Variants in RBP2 observed in about 807,000 individuals in gnomAD.
RBP2 encodes retinol binding protein 2, also known as retinol-binding protein 2.
Under a neutral mutation model 17.0 loss-of-function variants are expected in RBP2, and 17 were observed. The observed-to-expected ratio is 1.00, with a 90% CI of 0.68 to 1.50. The LOEUF (loss-of-function observed/expected upper bound fraction) is 1.50, where lower values mean the gene tolerates loss of function less well. RBP2 is among the 40% of genes most tolerant of loss of function. The pLI, the probability that RBP2 is intolerant of heterozygous loss-of-function variation, is 0.00. For missense variants in RBP2, 158 were observed against 168.2 expected (o/e 0.94, Z 0.33); for synonymous variants, 48 against 57.1 (o/e 0.84, Z 0.72).
At chr3:139,469,683 G>GTCTA (rs1187927537) in intron 1 of RBP2, among the ~76,000 whole-genome samples, 1,858 of 127,454 alleles carry the variant, frequency 0.015, 13 homozygotes, top group African/African-American at 0.028. Context: ...CTGTCTGTCT[G>GTCTA]TCTGTCTATC....
At chr3:139,465,564 C>G (rs1933328998) in intron 1 of RBP2, among the ~76,000 whole-genome samples, 1 of 152,062 alleles carries the variant, frequency 6.6e-6, no homozygotes, top group Non-Finnish European at 1.5e-5. Flanking sequence ...TGCTGTGCTC[C>G]CCAAGCTCTG....
intron 1 of RBP2, among the ~76,000 whole-genome samples, chr3:139,468,977 A>G (rs1280358404): frequency 2.6e-5 from 4 of 152,216 alleles, no homozygotes; most frequent in African/African-American, 9.6e-5. Context: ...TTTGAACAAT[A>G]CAAGCCATAA....
intron 1 of RBP2, among the ~76,000 whole-genome samples, chr3:139,475,144 A>G (rs1358794904): frequency 6.6e-6 from 1 of 151,712 alleles, no homozygotes; most frequent in East Asian, 1.9e-4. Flanking sequence ...ACATAGTGAA[A>G]TCCGTCTCTA....
At chr3:139,454,910 T>A in intron 2 of RBP2, 80 bp from the exon 3 acceptor site, 4 of 1,369,184 alleles carry the variant, frequency 2.9e-6, no homozygotes, top group Non-Finnish European at 4.2e-6. Flanking sequence ...CTGCAATTCC[T>A]GCAGCCATTT....
At chr3:139,454,965 G>T (rs1391340264) in intron 2 of RBP2, 135 bp from the exon 3 acceptor site, 4 of 761,298 alleles carry the variant, frequency 5.3e-6, no homozygotes, top group African/African-American at 5.2e-5. Flanking sequence ...GCCTCAGGGA[G>T]CCAAGATGCT....
rs1284622695 is a variant in RBP2, at chr3:139,462,117, C to G, written c.247G>C (p.Val83Leu). 1 of 1,613,970 alleles carries G rather than the reference C, an allele frequency of 6.2e-7. No homozygotes were observed. Among genetic ancestry groups the G allele is most frequent in the Non-Finnish European group, 8.5e-7 (1 of 1,179,994 alleles). ...EYTKSLDNRH[V>L]KALVTWEGDV... ...ACACCAGCCCCGGTCAGTACCTTAA[C>G]ATGCCGGTTATCCAGGCTCTTTGTG... is the stretch of plus-strand genomic sequence containing the variant. Residue 83 changes from valine to leucine, a missense_variant, in exon 2 of 4, where the codon GTT becomes CTT. By Grantham distance (32) the Val-to-Leu change is conservative (BLOSUM62 1). Coordinates refer to ENST00000232217, the MANE Select transcript of RBP2 (RefSeq NM_004164.3).
chr3:139,476,426 C>A lies in RBP2; in HGVS notation c.34G>T (p.Glu12Ter). ...TRDQNGTWEMESNENFEGYMK... is the reference protein window; with the variant it reads ...TRDQNGTWEM Reference sequence around the variant, plus strand: ...TAGCCCTCAAAGTTTTCATTACTCTCCATCTCCCAGGTTCCATTCTGGTCC... The same window carrying A: ...TAGCCCTCAAAGTTTTCATTACTCTACATCTCCCAGGTTCCATTCTGGTCC... The change falls in exon 1 of 4, where the codon GAG becomes TAG. Residue 12 changes from glutamate (E) to a stop codon, truncating the protein, a stop_gained. Coordinates refer to ENST00000232217, the MANE Select transcript of RBP2 (RefSeq NM_004164.3). LOFTEE classifies it high-confidence loss of function. 2 of 1,614,012 alleles carry A rather than the reference C, an allele frequency of 1.2e-6. No individual in the cohort carries two copies. Among genetic ancestry groups the A allele is most frequent in the Non-Finnish European group, 1.7e-6 (2 of 1,179,982 alleles).
At chr3:139,471,609 A>G (rs776829325) in intron 1 of RBP2, among the ~76,000 whole-genome samples, 1 of 152,222 alleles carries the variant, frequency 6.6e-6, no homozygotes, top group Admixed American at 6.5e-5. Flanking sequence ...TGGAATGAAA[A>G]TTTCCTAAAA....
At chr3:139,475,324 T>TAAAAAAAAAA (rs397941333) in intron 1 of RBP2, among the ~76,000 whole-genome samples, 2 of 71,598 alleles carry the variant, frequency 2.8e-5, no homozygotes, top group African/African-American at 4.9e-5. Flanking sequence ...GTCCCCAAAA[T>TAAAAAAAAAA]AAAAAAAAAA....
At chr3:139,455,445 C>A (rs188620471) in intron 2 of RBP2, among the ~76,000 whole-genome samples, 1 of 152,064 alleles carries the variant, frequency 6.6e-6, no homozygotes, top group Non-Finnish European at 1.5e-5. Flanking sequence ...GGTCAAAGAT[C>A]AAAGAGTTTG....
chr3:139,464,910 G>A (rs1933307879), intron 1 of RBP2, among the ~76,000 whole-genome samples: 1 of 152,204 alleles, frequency 6.6e-6, no homozygotes, highest in African/African-American at 2.4e-5. Flanking sequence ...GTAGAGCTCA[G>A]TGATTTCAGA....
intron 1 of RBP2, among the ~76,000 whole-genome samples, chr3:139,464,983 A>C (rs1933309582): frequency 6.6e-6 from 1 of 152,224 alleles, no homozygotes; most frequent in Non-Finnish European, 1.5e-5. Flanking sequence ...AAATTTTGAA[A>C]GCTACTTACT....
chr3:139,471,983 T>C (rs1933584077), intron 1 of RBP2, among the ~76,000 whole-genome samples: 1 of 152,228 alleles, frequency 6.6e-6, no homozygotes. Flanking sequence ...AAGATCCTGT[T>C]GCTTTTCCAG....
At chr3:139,474,311 G>A (rs1933657977) in intron 1 of RBP2, among the ~76,000 whole-genome samples, 1 of 152,168 alleles carries the variant, frequency 6.6e-6, no homozygotes, top group Non-Finnish European at 1.5e-5. Flanking sequence ...AGCTGATGGT[G>A]TAGTGTACTC....
chr3:139,476,016 T>C (rs1221169360), intron 1 of RBP2, among the ~76,000 whole-genome samples: 2 of 152,164 alleles, frequency 1.3e-5, no homozygotes, highest in Admixed American at 1.3e-4. Context: ...TGGTGGATAA[T>C]ATCAGGTCCA....
chr3:139,463,996 T>C (rs1172838858), intron 1 of RBP2, among the ~76,000 whole-genome samples: 2 of 152,204 alleles, frequency 1.3e-5, no homozygotes, highest in African/African-American at 4.8e-5. Context: ...TGTTGTGCAG[T>C]GTCCGGTACA....
At chr3:139,454,937 C>T (rs150972791) in intron 2 of RBP2, 107 bp from the exon 3 acceptor site, 65 of 1,106,398 alleles carry the variant, frequency 5.9e-5, no homozygotes, top group Non-Finnish European at 8.5e-5. Context: ...CTTGCTTACT[C>T]GAAGGGCAGA....
At position 139,453,067 on chromosome 3, in the gene RBP2, C is replaced by T. The variant is rs956879035; in HGVS notation, c.*49G>A. On this transcript the variant is annotated 3_prime_UTR_variant, in exon 4 of 4. Coordinates refer to ENST00000232217, the MANE Select transcript of RBP2 (RefSeq NM_004164.3). ...TGTTTCTCAAAGCCAGTAGACCACT[C>T]AGTGTGGGCAGTGGGGAGCTTGTGC... 5 of 1,607,774 alleles carry T rather than the reference C, an allele frequency of 3.1e-6. No individual in the cohort carries two copies. Among genetic ancestry groups the T allele is most frequent in the Admixed American group, 1.7e-5 (1 of 60,016 alleles).
chr3:139,465,092 G>A (rs1933313024), intron 1 of RBP2, among the ~76,000 whole-genome samples: 1 of 152,222 alleles, frequency 6.6e-6, no homozygotes, highest in Admixed American at 6.5e-5. Context: ...CAATTGTAGT[G>A]GCTTGGTAAT....
Sources: allele counts gnomAD v4.1 joint callset (sites outside exome capture counted in the v4.1 genomes callset), GRCh38; gene constraint gnomAD v4.1.1; transcripts MANE v1.5; gene names NCBI Gene and HGNC (gene_info 2026-07-23, HGNC 2026-07-21).